The following SDK1 variants were observed in gnomAD, a reference collection of about 807,000 sequenced individuals.
The protein encoded by SDK1 is sidekick cell adhesion molecule 1, also known as protein sidekick-1.
SDK1 carries 157 observed loss-of-function variants against 245.5 expected under a neutral mutation model. The observed-to-expected ratio is 0.64, with a 90% CI of 0.56 to 0.73. The LOEUF (loss-of-function observed/expected upper bound fraction) is 0.73. Among genes scored for constraint, SDK1 ranks in the 30% least tolerant of loss-of-function variants. SDK1 has a pLI of 0.00. For synonymous variants in SDK1, 1,647 were observed against 1,278.5 expected (o/e 1.29, Z -6.15); for missense variants, 3,583 against 3,002.3 (o/e 1.19, Z -4.52).
At chr7:4,224,008 C>T (rs1785276522) in intron 40 of SDK1, among the ~76,000 whole-genome samples, 1 of 152,120 alleles carries the variant, frequency 6.6e-6, no homozygotes, top group Admixed American at 6.5e-5. Context: ...CACAGGTCAC[C>T]TAAACCCAAC....
At chr7:3,472,893 T>C (rs374460389) in intron 1 of SDK1, among the ~76,000 whole-genome samples, 17 of 152,270 alleles carry the variant, frequency 1.1e-4, no homozygotes, top group Admixed American at 4.6e-4. Context: ...TCTGAGTAGT[T>C]GGCCGCAGGA....
Position 3,988,248 on chromosome 7 carries a change from C to G in SDK1, c.2131+926C>G, listed in dbSNP as rs1050757297. Among the ~76,000 whole-genome samples, 3 of 149,636 alleles carry G rather than the reference C, an allele frequency of 2.0e-5. No individual in the cohort carries two copies. In the Admixed American group the frequency reaches 2.0e-4, roughly 10 times the overall value. ...GAACCCTAGGAATGGTCCCCAATTC[C>G]TTTCCCTGGACCCCAGCCCCCACCT... On this transcript the variant is annotated intron_variant, in intron 14 of 44. Transcript: ENST00000404826.
chr7:3,780,940 C>G (rs1466565117), intron 4 of SDK1, among the ~76,000 whole-genome samples: 1 of 152,082 alleles, frequency 6.6e-6, no homozygotes, highest in East Asian at 1.9e-4. Flanking sequence ...TAGTTCCACT[C>G]AGCCCAAAAG....
intron 4 of SDK1, among the ~76,000 whole-genome samples, chr7:3,736,188 A>G (rs1447666939): frequency 6.6e-6 from 1 of 152,078 alleles, no homozygotes; most frequent in Non-Finnish European, 1.5e-5. Context: ...GAATTTTTAA[A>G]TTTTCATGTG....
intron 1 of SDK1, among the ~76,000 whole-genome samples, chr7:3,406,458 T>C (rs1338181008): frequency 6.6e-6 from 1 of 152,208 alleles, no homozygotes; most frequent in Non-Finnish European, 1.5e-5. Flanking sequence ...GCTTGGCATA[T>C]GATTGTCAAG....
chr7:3,846,669 T>G (rs1780286191), intron 5 of SDK1, among the ~76,000 whole-genome samples: 1 of 152,190 alleles, frequency 6.6e-6, no homozygotes, highest in Non-Finnish European at 1.5e-5. Context: ...GGCTAAAATT[T>G]CCCCCACTTC....
At chr7:3,338,573 G>A in intron 1 of SDK1, 1 of 285,542 alleles carries the variant, frequency 3.5e-6, no homozygotes, top group South Asian at 5.2e-5. Flanking sequence ...GAGCTGCTGG[G>A]GTGTCTCTCC....
chr7:3,940,901 C>T, intron 5 of SDK1, among the ~76,000 whole-genome samples: 1 of 152,118 alleles, frequency 6.6e-6, no homozygotes, highest in East Asian at 1.9e-4. Context: ...CTCACACTCT[C>T]ATGGAGTGGC....
chr7:4,162,391 T>C (rs1781202638), intron 32 of SDK1, among the ~76,000 whole-genome samples: 1 of 147,114 alleles, frequency 6.8e-6, no homozygotes, highest in African/African-American at 2.5e-5. Context: ...ATTATTATTA[T>C]TATTATTATT....
intron 1 of SDK1, among the ~76,000 whole-genome samples, chr7:3,503,630 C>A (rs947952757): frequency 6.6e-6 from 1 of 151,998 alleles, no homozygotes; most frequent in Non-Finnish European, 1.5e-5. Flanking sequence ...TACGCTATGA[C>A]CATGCCACTG....
At chr7:4,197,528 A>G (rs1783654273) in intron 35 of SDK1, among the ~76,000 whole-genome samples, 2 of 152,126 alleles carry the variant, frequency 1.3e-5, no homozygotes, top group African/African-American at 4.8e-5. Flanking sequence ...CCACAAGGAG[A>G]AAAAGAATGG....
rs201470085 is a variant in SDK1, at chr7:3,609,411, C to CT, written c.299-9662dup. Among the ~76,000 whole-genome samples, 1,241 of 151,926 alleles carry CT rather than the reference C, an allele frequency of 8.2e-3. 13 individuals are homozygous for CT. The highest frequency in any genetic ancestry group is 0.012 in the Non-Finnish European group (844 of 67,898). On this transcript the variant is annotated intron_variant, in intron 1 of 44. Transcript: ENST00000404826. ...AGCTGGGATTTTTCTTTTTCTTTTT[C>CT]TTTTTTTGAGACAGAGTCTCACTCT...
In SDK1 at chr7:4,266,096, C is replaced by T. The variant is rs571399233; in HGVS notation, c.*712C>T. 4.2e-5 allele frequency: 41 copies of T among 985,420 alleles called. No individual in the cohort carries two copies. The South Asian group carries it at 8.9e-4, about 21-fold the overall frequency. 61.0% of individuals were successfully genotyped at this position (985,420 alleles called of 1,614,324 possible). A position where few individuals can be genotyped will look rare whatever the true frequency, so the allele number is the denominator to read the frequency against. ...TTCCCCCTTCCTTCTCACCTGACAG[C>T]GAGGGAGAGGGAAGCCTCTTAGGGC... On this transcript the variant is annotated 3_prime_UTR_variant, in exon 45 of 45. Coordinates refer to ENST00000404826, the MANE Select transcript of SDK1 (RefSeq NM_152744.4).
chr7:3,620,549 T>TGCCTTG (rs1411291296), intron 2 of SDK1, among the ~76,000 whole-genome samples: 3 of 152,188 alleles, frequency 2.0e-5, no homozygotes, highest in Non-Finnish European at 4.4e-5. Flanking sequence ...GTGATCTGCC[T>TGCCTTG]GCCTTGGCCT....
At chr7:4,017,042 G>C (rs2128151920) in intron 16 of SDK1, 129 bp from the exon 17 acceptor site, 1 of 823,192 alleles carries the variant, frequency 1.2e-6, no homozygotes. Flanking sequence ...ATTGTTTAGG[G>C]CTGACCTCTC....
intron 20 of SDK1, among the ~76,000 whole-genome samples, chr7:4,075,656 C>CT (rs1367898161): frequency 0.063 from 8,857 of 141,182 alleles, 421 homozygotes; most frequent in African/African-American, 0.13. Flanking sequence ...CTTATTTCTC[C>CT]TTTTTTTTTT....
intron 4 of SDK1, among the ~76,000 whole-genome samples, chr7:3,796,102 A>G (rs1025647763): frequency 1.3e-5 from 2 of 152,248 alleles, no homozygotes; most frequent in African/African-American, 2.4e-5. Context: ...GCTTACAGGC[A>G]TAAGTTCAGC....
At chr7:3,897,946 C>A (rs1583528331) in intron 5 of SDK1, among the ~76,000 whole-genome samples, 1 of 151,916 alleles carries the variant, frequency 6.6e-6, no homozygotes, top group South Asian at 2.1e-4. Context: ...CTTCTCCTTT[C>A]CTTTTCTGCT....
intron 1 of SDK1, among the ~76,000 whole-genome samples, chr7:3,541,304 ACTC>A (rs1224716295): frequency 6.6e-6 from 1 of 152,024 alleles, no homozygotes; most frequent in Admixed American, 6.5e-5. Context: ...CTTTTACTAA[ACTC>A]CTCCTGTGTG....
Sources: allele counts gnomAD v4.1 joint callset (sites outside exome capture counted in the v4.1 genomes callset), GRCh38; gene constraint gnomAD v4.1.1; transcripts MANE v1.5; gene names NCBI Gene and HGNC (gene_info 2026-07-23, HGNC 2026-07-21).